AK5: variants seen among roughly 807,000 people sequenced by gnomAD.
The protein encoded by AK5 is adenylate kinase 5, also known as adenylate kinase isoenzyme 5.
A neutral mutation model predicts 69.5 loss-of-function variants in AK5; 27 were observed. The ratio of observed to expected loss-of-function variants is 0.39; its 90% CI spans 0.29 to 0.54. The LOEUF is 0.54. Ranked by LOEUF, AK5 falls within the 20% of genes least tolerant of loss-of-function variation. The pLI is 0.71. For synonymous variants in AK5, 260 were observed against 244.4 expected (o/e 1.06, Z -0.60); for missense variants, 531 against 700.4 (o/e 0.76, Z 2.73).
rs1349937397 is a variant in AK5, at chr1:77,535,853, G to T, written c.1435G>T (p.Asp479Tyr). ...GCTCCACTCCCATCTCCAGATTGGA[G>T]ACCCACAGTTGGTGATCTGTATGGA... ...QGEEFGRRIGDPQLVICMDCS... is the reference protein window; with the variant it reads ...QGEEFGRRIGYPQLVICMDCS... Residue 479 changes from aspartate to tyrosine, a missense_variant, in exon 13 of 14, where the codon GAC (aspartate) becomes TAC (tyrosine). By Grantham distance (160) the Asp-to-Tyr change is radical. Coordinates refer to ENST00000354567, the MANE Select transcript of AK5 (RefSeq NM_174858.3). 1 of 1,611,372 alleles carries T rather than the reference G, an allele frequency of 6.2e-7. No individual in the cohort carries two copies. The highest frequency in any genetic ancestry group is 8.5e-7 in the Non-Finnish European group (1 of 1,178,910).
chr1:77,525,235 T>C (rs1010888750), intron 12 of AK5, among the ~76,000 whole-genome samples: 2 of 152,206 alleles, frequency 1.3e-5, no homozygotes, highest in African/African-American at 4.8e-5. Context: ...TAATTTTTTA[T>C]ATATGGTGTC....
intron 8 of AK5, among the ~76,000 whole-genome samples, chr1:77,431,409 C>T (rs1489186686): frequency 2.0e-5 from 3 of 152,068 alleles, no homozygotes; most frequent in African/African-American, 7.2e-5. Flanking sequence ...GGAATTCTAG[C>T]AGGACACAGA....
At chr1:77,513,630 A>C (rs1046720281) in intron 10 of AK5, among the ~76,000 whole-genome samples, 2 of 152,226 alleles carry the variant, frequency 1.3e-5, no homozygotes, top group African/African-American at 2.4e-5. Flanking sequence ...ACTTGAGGTC[A>C]GGAGTTCGAG....
chr1:77,414,395 C>A (rs1024248331), intron 7 of AK5, among the ~76,000 whole-genome samples: 13 of 152,032 alleles, frequency 8.6e-5, no homozygotes, highest in Non-Finnish European at 1.3e-4. Flanking sequence ...GTAGGAGTGT[C>A]TTTATGGGGT....
intron 6 of AK5, among the ~76,000 whole-genome samples, chr1:77,380,217 G>A (rs1289713152): frequency 6.6e-6 from 1 of 152,188 alleles, no homozygotes; most frequent in Non-Finnish European, 1.5e-5. Flanking sequence ...GAAGGATAAT[G>A]GGGTGACAGG....
At chr1:77,521,148 T>C (rs1657959171) in intron 11 of AK5, among the ~76,000 whole-genome samples, 1 of 152,152 alleles carries the variant, frequency 6.6e-6, no homozygotes, top group Non-Finnish European at 1.5e-5. Flanking sequence ...CCTTTTTTTT[T>C]TTTTGAGACA....
intron 5 of AK5, among the ~76,000 whole-genome samples, chr1:77,328,123 GTGAGGAAAAGACATCT>G (rs1226936714): frequency 6.6e-6 from 1 of 152,182 alleles, no homozygotes; most frequent in Non-Finnish European, 1.5e-5. Flanking sequence ...CAAGTTAGCA[GTGAGGAAAAGACATCT>G]TGGGGAAAAG....
intron 1 of AK5, chr1:77,282,707 G>A (rs1658129751): frequency 2.8e-6 from 3 of 1,089,658 alleles, no homozygotes; most frequent in Admixed American, 5.4e-5. Flanking sequence ...CTCTGGGGGC[G>A]AGGGCCAGGT....
chr1:77,499,871 T>C (rs1462462461), intron 10 of AK5, among the ~76,000 whole-genome samples: 1 of 23,800 alleles, frequency 4.2e-5, no homozygotes, highest in Non-Finnish European at 7.2e-5. Context: ...CCTTTTTCCA[T>C]TTTTTTTTTT....
chr1:77,286,619 G>T (rs1273534011), intron 1 of AK5, among the ~76,000 whole-genome samples: 1 of 152,012 alleles, frequency 6.6e-6, no homozygotes, highest in Non-Finnish European at 1.5e-5. Context: ...GGCGGAGGTA[G>T]GTGGATCGCT....
chr1:77,367,763 AAT>A (rs370607078), intron 6 of AK5, among the ~76,000 whole-genome samples: 1 of 6,260 alleles, frequency 1.6e-4, no homozygotes, highest in East Asian at 0.017. Flanking sequence ...TGTTATATAT[AAT>A]ATATGTTATA....
intron 2 of AK5, among the ~76,000 whole-genome samples, chr1:77,292,620 C>T (rs750068036): frequency 2.6e-5 from 4 of 152,174 alleles, no homozygotes; most frequent in African/African-American, 4.8e-5. Flanking sequence ...AACTATATAT[C>T]GACAACAGGT....
At chr1:77,384,646 G>C (rs545988466) in intron 6 of AK5, among the ~76,000 whole-genome samples, 1 of 152,214 alleles carries the variant, frequency 6.6e-6, no homozygotes, top group South Asian at 2.1e-4. Context: ...TAAGGAAAAA[G>C]AAAGATGAAG....
chr1:77,347,838 A>G (rs2100402671), intron 6 of AK5, among the ~76,000 whole-genome samples: 1 of 152,228 alleles, frequency 6.6e-6, no homozygotes, highest in South Asian at 2.1e-4. Context: ...GTCATAAGCA[A>G]CGCCCTGACT....
chr1:77,548,226 C>T (rs1361484658), intron 13 of AK5, among the ~76,000 whole-genome samples: 1 of 152,122 alleles, frequency 6.6e-6, no homozygotes, highest in Admixed American at 6.5e-5. Context: ...GAAGTTTGTC[C>T]TTAAATCTCT....
intron 6 of AK5, among the ~76,000 whole-genome samples, chr1:77,400,022 A>G (rs763423263): frequency 1.3e-5 from 2 of 152,222 alleles, no homozygotes; most frequent in Non-Finnish European, 2.9e-5. Context: ...TTCTTCTGCC[A>G]ACAACCACAG....
chr1:77,531,021 T>A (rs1658541629), intron 12 of AK5, among the ~76,000 whole-genome samples: 1 of 152,074 alleles, frequency 6.6e-6, no homozygotes, highest in Non-Finnish European at 1.5e-5. Context: ...TGGTCCTGTG[T>A]CCGGAAATGG....
chr1:77,513,564 G>T (rs34818192), intron 10 of AK5, among the ~76,000 whole-genome samples: 1 of 152,340 alleles, frequency 6.6e-6, no homozygotes, highest in Non-Finnish European at 1.5e-5. Context: ...TTTAGGCCAG[G>T]CCCAGTGACT....
chr1:77,340,994 A>G (rs1661627086), intron 6 of AK5: 1 of 154,218 alleles, frequency 6.5e-6, no homozygotes, highest in African/African-American at 2.4e-5. Flanking sequence ...GTCATGATCT[A>G]CTACATAAAG....
Sources: allele counts gnomAD v4.1 joint callset (sites outside exome capture counted in the v4.1 genomes callset), GRCh38; gene constraint gnomAD v4.1.1; transcripts MANE v1.5; gene names NCBI Gene and HGNC (gene_info 2026-07-23, HGNC 2026-07-21).